ARHGAP28: variants seen among roughly 807,000 people sequenced by gnomAD.
ARHGAP28 encodes the protein rho GTPase-activating protein 28.
A neutral mutation model predicts 90.7 loss-of-function variants in ARHGAP28; 56 were observed. That is an observed-to-expected ratio of 0.62 (90% CI 0.50 to 0.77). The LOEUF (loss-of-function observed/expected upper bound fraction) is 0.77. ARHGAP28 is among the 30% of genes least tolerant of loss of function. The pLI is 0.00. For synonymous variants in ARHGAP28, 308 were observed against 323.3 expected (o/e 0.95, Z 0.51); for missense variants, 869 against 900.9 (o/e 0.96, Z 0.45).
intron 9 of ARHGAP28, among the ~76,000 whole-genome samples, chr18:6,875,589 A>G (rs1224541928): frequency 6.6e-6 from 1 of 152,204 alleles, no homozygotes; most frequent in Non-Finnish European, 1.5e-5. Flanking sequence ...AGGACTGAGA[A>G]TAGGAACTTA....
intron 4 of ARHGAP28, among the ~76,000 whole-genome samples, chr18:6,853,509 G>A (rs2056926921): frequency 1.4e-5 from 2 of 146,762 alleles, no homozygotes; most frequent in Non-Finnish European, 1.5e-5. Context: ...TTTCACTCTT[G>A]TTGTCCAAGC....
chr18:6,824,856 G>A lies in ARHGAP28; in HGVS notation c.217G>A (p.Val73Ile), dbSNP rs375913012. 1.2e-5 allele frequency: 19 copies of A among 1,536,196 alleles called. No homozygotes were observed. Among genetic ancestry groups the A allele is most frequent in the South Asian group, 1.1e-4 (9 of 84,056 alleles). The stretch of plus-strand genomic sequence containing the variant: ...CAGCCGTTCCAACTCAGAAGCCTCC[G>A]TAGACAGCGCCTCCATGGAGGATTT... ...AFSRSNSEASVDSASMEDFWR... is the reference protein window; with the variant it reads ...AFSRSNSEASIDSASMEDFWR... The change falls in exon 2 of 18, where the codon GTA becomes ATA. Residue 73 changes from valine to isoleucine, a missense_variant. Val to Ile is a conservative substitution (Grantham distance 29). Coordinates refer to ENST00000383472, the MANE Select transcript of ARHGAP28 (RefSeq NM_001366230.1).
At chr18:6,782,584 A>ATTTTTT (rs1567945676) in intron 1 of ARHGAP28, among the ~76,000 whole-genome samples, 10 of 71,300 alleles carry the variant, frequency 1.4e-4, no homozygotes, top group African/African-American at 4.4e-4. Context: ...CGCCCAGCTA[A>ATTTTTT]TTTTTGTATT....
At chr18:6,821,001 G>A (rs1442651717) in intron 1 of ARHGAP28, among the ~76,000 whole-genome samples, 2 of 152,134 alleles carry the variant, frequency 1.3e-5, no homozygotes, top group Admixed American at 6.5e-5. Context: ...AAAAGACCAT[G>A]TATTTAGTTT....
intron 3 of ARHGAP28, among the ~76,000 whole-genome samples, chr18:6,845,109 C>T (rs2056856312): frequency 6.6e-6 from 1 of 152,158 alleles, no homozygotes; most frequent in Non-Finnish European, 1.5e-5. Flanking sequence ...GAGACTGGGT[C>T]TTGCTGTCAC....
intron 1 of ARHGAP28, among the ~76,000 whole-genome samples, chr18:6,780,102 A>C (rs1028039328): frequency 1.3e-5 from 2 of 152,190 alleles, no homozygotes; most frequent in Non-Finnish European, 2.9e-5. Flanking sequence ...CCAGCTTTCA[A>C]CTGGAGTTCA....
chr18:6,831,824 G>C (rs576830614), intron 2 of ARHGAP28, among the ~76,000 whole-genome samples: 2 of 152,086 alleles, frequency 1.3e-5, no homozygotes, highest in African/African-American at 4.8e-5. Context: ...TACAGGGAAC[G>C]GGTTCAGTAC....
intron 1 of ARHGAP28, among the ~76,000 whole-genome samples, chr18:6,803,359 CA>C (rs1216119272): frequency 2.6e-5 from 4 of 151,868 alleles, no homozygotes; most frequent in Non-Finnish European, 5.9e-5. Context: ...TTTATTTTTT[CA>C]TCTGTTAATA....
At chr18:6,795,061 C>T (rs2056432127) in intron 1 of ARHGAP28, among the ~76,000 whole-genome samples, 1 of 152,142 alleles carries the variant, frequency 6.6e-6, no homozygotes, top group Non-Finnish European at 1.5e-5. Context: ...GAGAAATCAA[C>T]TGAAGCACTG....
intron 5 of ARHGAP28, among the ~76,000 whole-genome samples, chr18:6,862,129 G>C (rs1186154019): frequency 6.6e-6 from 1 of 152,158 alleles, no homozygotes; most frequent in Non-Finnish European, 1.5e-5. Context: ...ATTTGCTAGA[G>C]TGGCTCACTG....
intron 9 of ARHGAP28, among the ~76,000 whole-genome samples, chr18:6,874,295 T>C (rs1242681238): frequency 1.3e-5 from 2 of 152,230 alleles, no homozygotes; most frequent in Non-Finnish European, 2.9e-5. Context: ...CATGTTCCAG[T>C]CATTTTCCGG....
chr18:6,740,758 T>C (rs1228334467), intron 1 of ARHGAP28, among the ~76,000 whole-genome samples: 1 of 152,160 alleles, frequency 6.6e-6, no homozygotes, highest in African/African-American at 2.4e-5. Flanking sequence ...GAGAACAAAG[T>C]TTCATGAAGA....
intron 3 of ARHGAP28, among the ~76,000 whole-genome samples, chr18:6,841,827 C>T (rs948813291): frequency 4.6e-5 from 7 of 152,168 alleles, no homozygotes; most frequent in East Asian, 1.9e-4. Flanking sequence ...CAGTACTAAG[C>T]GAGCCCTTGC....
At chr18:6,759,198 T>C (rs773364196) in intron 1 of ARHGAP28, among the ~76,000 whole-genome samples, 2 of 152,216 alleles carry the variant, frequency 1.3e-5, no homozygotes. Flanking sequence ...TCTCAAATCC[T>C]TTTAGACACA....
chr18:6,857,268 T>A (rs1005852148), intron 4 of ARHGAP28, among the ~76,000 whole-genome samples: 1 of 152,190 alleles, frequency 6.6e-6, no homozygotes, highest in Non-Finnish European at 1.5e-5. Context: ...AAAAAATCAT[T>A]TTCTGTTGCA....
chr18:6,756,501 CATG>C (rs1476536020), intron 1 of ARHGAP28, among the ~76,000 whole-genome samples: 1 of 152,080 alleles, frequency 6.6e-6, no homozygotes, highest in African/African-American at 2.4e-5. Flanking sequence ...AATTATTGAT[CATG>C]ATGATTTAAT....
chr18:6,813,133 C>T (rs1215455713), intron 1 of ARHGAP28, among the ~76,000 whole-genome samples: 1 of 152,166 alleles, frequency 6.6e-6, no homozygotes, highest in African/African-American at 2.4e-5. Flanking sequence ...AATGTCTCTA[C>T]CTACCACAGG....
chr18:6,907,777 G>C (rs1163109280), intron 16 of ARHGAP28, among the ~76,000 whole-genome samples: 1 of 152,158 alleles, frequency 6.6e-6, no homozygotes, highest in Non-Finnish European at 1.5e-5. Context: ...TACTGCACTA[G>C]AGTTTTGTGA....
At chr18:6,865,099 C>T (rs1402182896) in intron 5 of ARHGAP28, among the ~76,000 whole-genome samples, 1 of 151,986 alleles carries the variant, frequency 6.6e-6, no homozygotes, top group East Asian at 1.9e-4. Flanking sequence ...TACATTCTTT[C>T]TTGGCTCTAC....
Sources: gnomAD v4.1 joint callset for allele counts (sites outside exome capture counted in the v4.1 genomes callset) on GRCh38, gnomAD v4.1.1 for gene constraint, MANE v1.5 for transcripts, NCBI Gene and HGNC (gene_info 2026-07-23, HGNC 2026-07-21) for gene names.